Variants in MAP4K5 observed in about 807,000 individuals in gnomAD.
MAP4K5 encodes MAPK/ERK kinase kinase kinase 5.
Under a neutral mutation model 135.6 loss-of-function variants are expected in MAP4K5, and 82 were observed. The ratio of observed to expected loss-of-function variants is 0.60; its 90% confidence interval spans 0.51 to 0.73. The LOEUF (loss-of-function observed/expected upper bound fraction) is 0.73. Among genes scored for constraint, MAP4K5 ranks in the 30% least tolerant of loss-of-function variants. MAP4K5 has a pLI of 0.00. For missense variants in MAP4K5, 907 were observed against 1,010.9 expected (o/e 0.90, Z 1.39); for synonymous variants, 347 against 335.0 (o/e 1.04, Z -0.39).
At chr14:50,496,347 C>CA (rs1206910048) in intron 3 of MAP4K5, among the ~76,000 whole-genome samples, 4 of 150,536 alleles carry the variant, frequency 2.7e-5, no homozygotes, top group Non-Finnish European at 5.9e-5. Flanking sequence ...AAACAAAAAG[C>CA]AAAAAAACAA....
Position 50,423,112 on chromosome 14 carries a change from A to G in MAP4K5, c.2453+9T>C. 6.9e-7 allele frequency: 1 copy of G among 1,456,292 alleles called. No individual in the cohort carries two copies. The highest frequency in any genetic ancestry group is 9.5e-7 in the Non-Finnish European group (1 of 1,047,150). 90.2% of individuals were successfully genotyped at this position (1,456,292 alleles called of 1,614,324 possible). ...TTTGGTAATTAAATTAATACAACCA[A>G]ACTATTACCTGTCTGATCCTAATAA... On this transcript the variant is annotated intron_variant, in intron 32 of 32. Coordinates refer to ENST00000682126, the MANE Select transcript of MAP4K5 (RefSeq NM_006575.6).
At chr14:50,423,259 T>A in intron 31 of MAP4K5, 83 bp from the exon 32 acceptor site, 1 of 598,608 alleles carries the variant, frequency 1.7e-6, no homozygotes, top group Non-Finnish European at 3.0e-6. Context: ...AGAGCAATTA[T>A]TAACACAATA....
intron 2 of MAP4K5, among the ~76,000 whole-genome samples, chr14:50,530,228 AAG>A (rs1566699119): frequency 1.3e-5 from 2 of 152,128 alleles, no homozygotes; most frequent in Non-Finnish European, 2.9e-5. Flanking sequence ...GGAACTGCAG[AAG>A]AGAGACTAGG....
chr14:50,421,558 G>A (rs969991277), intron 32 of MAP4K5, among the ~76,000 whole-genome samples: 5 of 151,532 alleles, frequency 3.3e-5, no homozygotes, highest in East Asian at 3.9e-4. Flanking sequence ...CACCGCGCCC[G>A]GCAACAAAAT....
Position 50,464,111 on chromosome 14 carries a change from C to A in MAP4K5, c.760G>T (p.Val254Phe). Residue 254 changes from valine (V) to phenylalanine (F), a missense_variant, in exon 12 of 33, where the codon GTC (valine) becomes TTC (phenylalanine). Val to Phe is a conservative substitution (Grantham distance 50, BLOSUM62 -1). Around this residue, in one of 3 missense-constraint regions of MAP4K5, gnomAD observed 690 missense variants for 777.4 expected, o/e 0.89. Coordinates refer to ENST00000682126, the MANE Select transcript of MAP4K5 (RefSeq NM_006575.6). ...GGGTTTTTGGTTAGTGCTATTTTGA[C>A]AAAATTATGGAATGTTGATGACCTT... ...TKWSSTFHNF[V>F]KIALTKNPKK... 6.5e-7 allele frequency: 1 copy of A among 1,532,966 alleles called. No individual in the cohort carries two copies. Among genetic ancestry groups the A allele is most frequent in the Non-Finnish European group, 8.8e-7 (1 of 1,130,388 alleles). The allele number at this position is 1,532,966 out of a possible 1,614,324, so 95.0% of individuals were successfully genotyped here.
Position 50,494,910 on chromosome 14 carries a change from T to C in MAP4K5, c.167-8716A>G, listed in dbSNP as rs2037562216. ...AAAGAATAAAGTTGGACCCCTGCCTTAAACCATACACAAAACTTAAAATGA... is the reference window on the plus strand; with the variant it reads ...AAAGAATAAAGTTGGACCCCTGCCTCAAACCATACACAAAACTTAAAATGA... On this transcript the variant is annotated intron_variant, in intron 3 of 32. Coordinates refer to ENST00000682126, the MANE Select transcript of MAP4K5 (RefSeq NM_006575.6). Among the ~76,000 whole-genome samples, 3 of 152,160 alleles carry C rather than the reference T, an allele frequency of 2.0e-5. No homozygotes were observed. In the South Asian group the frequency reaches 6.2e-4, roughly 32 times the overall value.
At chr14:50,560,130 C>T in intron 1 of MAP4K5, 2 of 1,027,186 alleles carry the variant, frequency 1.9e-6, no homozygotes. Flanking sequence ...CCACCAGCGC[C>T]ACAGCAACAT....
At chr14:50,454,948 C>G (rs1378975061) in intron 14 of MAP4K5, among the ~76,000 whole-genome samples, 1 of 151,778 alleles carries the variant, frequency 6.6e-6, no homozygotes, top group Non-Finnish European at 1.5e-5. Context: ...TTAGTTCTAA[C>G]AGATATTATC....
At chr14:50,485,742 C>A in intron 4 of MAP4K5, 100 bp from the exon 5 acceptor site, 1 of 686,620 alleles carries the variant, frequency 1.5e-6, no homozygotes, top group Non-Finnish European at 2.5e-6. Flanking sequence ...TCAGAATGGA[C>A]TGTGAAGTGC....
chr14:50,458,362 C>A (rs1308970266), intron 13 of MAP4K5, among the ~76,000 whole-genome samples: 3 of 151,982 alleles, frequency 2.0e-5, no homozygotes, highest in Non-Finnish European at 4.4e-5. Context: ...CAAGCAATGC[C>A]CCCCACCACA....
intron 28 of MAP4K5, among the ~76,000 whole-genome samples, chr14:50,432,884 C>T (rs1043442819): frequency 3.3e-5 from 5 of 152,206 alleles, no homozygotes; most frequent in Admixed American, 2.0e-4. Flanking sequence ...GTTGCCCAGG[C>T]TGGAGTGCAA....
At chr14:50,496,749 A>G (rs2037603102) in intron 3 of MAP4K5, among the ~76,000 whole-genome samples, 1 of 151,954 alleles carries the variant, frequency 6.6e-6, no homozygotes, top group Non-Finnish European at 1.5e-5. Flanking sequence ...GGCTCAAAAG[A>G]TCCTCCCACC....
intron 6 of MAP4K5, among the ~76,000 whole-genome samples, chr14:50,476,536 C>T (rs2037103076): frequency 6.6e-6 from 1 of 152,210 alleles, no homozygotes; most frequent in South Asian, 2.1e-4. Flanking sequence ...TTTTGGCTCA[C>T]TGCAGCTGCC....
chr14:50,448,723 A>G, intron 15 of MAP4K5, 51 bp downstream of exon 15: 1 of 1,122,160 alleles, frequency 8.9e-7, no homozygotes, highest in Non-Finnish European at 1.3e-6. Context: ...ACAAAAAAAA[A>G]GTTTTCTCAA....
chr14:50,473,655 T>C (rs768096417), intron 9 of MAP4K5, among the ~76,000 whole-genome samples: 1 of 152,028 alleles, frequency 6.6e-6, no homozygotes, highest in Non-Finnish European at 1.5e-5. Context: ...TTATTCTTTA[T>C]GTTCAGAAAG....
chr14:50,466,725 T>G, intron 10 of MAP4K5, 80 bp from the exon 11 acceptor site: 1 of 680,528 alleles, frequency 1.5e-6, no homozygotes, highest in Non-Finnish European at 2.7e-6. Flanking sequence ...GTAATGAATT[T>G]ATACAAGACT....
rs76186967 is a variant in MAP4K5, at chr14:50,541,404, A to G, written c.-94+1095T>C. On this transcript the variant is annotated intron_variant, in intron 2 of 8. Coordinates refer to the MAP4K5 transcript ENST00000555216. ...GATAAACCCAGTTCAGGAACCTGAC[A>G]CATTAGTGACATTTCTAACAAGGAA... Among the ~76,000 whole-genome samples, 697 of 152,350 alleles carry G rather than the reference A, an allele frequency of 4.6e-3. 8 individuals are homozygous for G. The highest frequency in any genetic ancestry group is 0.016 in the African/African-American group (666 of 41,570).
At chr14:50,529,915 G>A (rs1429453500) in intron 2 of MAP4K5, among the ~76,000 whole-genome samples, 3 of 152,056 alleles carry the variant, frequency 2.0e-5, no homozygotes, top group Non-Finnish European at 4.4e-5. Context: ...TAAGAGGGAA[G>A]GGCTGTCTTG....
chr14:50,532,289 C>T (rs1172519142), intron 1 of MAP4K5, 131 bp from the exon 2 acceptor site: 2 of 442,696 alleles, frequency 4.5e-6, no homozygotes, highest in Non-Finnish European at 8.0e-6. Flanking sequence ...CTGGAAGGGC[C>T]CCCGGCGCCC....
Sources: gnomAD v4.1 joint callset for allele counts (sites outside exome capture counted in the v4.1 genomes callset) on GRCh38, gnomAD v4.1.1 for gene constraint, gnomAD v4.1.1 regional missense constraint, MANE v1.5 for transcripts, NCBI Gene and HGNC (gene_info 2026-07-23, HGNC 2026-07-21) for gene names.